The following AARS2 variants were observed in gnomAD, a reference collection of about 807,000 sequenced individuals.
AARS2 encodes the protein alanine--tRNA ligase, mitochondrial.
In AARS2, 78 loss-of-function variants were observed where a neutral mutation model predicts 119.7. That is an observed-to-expected ratio of 0.65 (90% CI 0.54 to 0.79). The LOEUF is 0.79. Ranked by LOEUF, AARS2 falls within the 30% of genes least tolerant of loss-of-function variation. The pLI is 0.00. For synonymous variants in AARS2, 502 were observed against 526.3 expected (o/e 0.95, Z 0.63); for missense variants, 1,157 against 1,291.3 (o/e 0.90, Z 1.59).
Position 44,303,157 on chromosome 6 carries a change from G to A in AARS2, c.2164C>T (p.Arg722Trp), listed in dbSNP as rs145436818. The change falls in exon 16 of 22, where the codon CGG becomes TGG. Residue 722 changes from arginine (R) to tryptophan (W), a missense_variant. Transcript: ENST00000244571. The part of the protein sequence containing the change: ...SLDEVYPDPV[R>W]VVSVGVPVAH... Reference sequence around the variant, plus strand: ...ACGGGCACCCCCACTGATACCACCCGCACAGGGTCTGGGTAAACCTGAGGT... The same window carrying A: ...ACGGGCACCCCCACTGATACCACCCACACAGGGTCTGGGTAAACCTGAGGT... The A allele has an allele frequency of 1.2e-4, 196 of 1,614,138 alleles. No homozygotes were observed. The African/African-American group carries it at 1.6e-3, about 13-fold the overall frequency.
At chr6:44,301,108 A>C (rs1785315648) in intron 21 of AARS2, 48 bp downstream of exon 21, 1 of 1,524,538 alleles carries the variant, frequency 6.6e-7, no homozygotes, top group African/African-American at 1.4e-5. Flanking sequence ...GAGCTGGACC[A>C]GGATGGGTAT....
Position 44,311,075 on chromosome 6 carries a change from TCAGTACAGGGCCCACAAGGGC to T in AARS2, c.647_667del (p.Gly216_Thr222del). On this transcript the variant is annotated inframe_deletion, in exon 4 of 22. Coordinates refer to ENST00000244571, the MANE Select transcript of AARS2 (RefSeq NM_020745.4). ...CCCACCAGCAAGGTCGTAGTGGATC[TCAGTACAGGGCCCACAAGGGC>T]CAGTATCCCCCATCTCCCAGAAGTT... 6.2e-7 allele frequency: 1 copy of T among 1,614,070 alleles called. No individual in the cohort carries two copies. The highest frequency in any genetic ancestry group is 8.5e-7 in the Non-Finnish European group (1 of 1,180,022).
Position 44,305,129 on chromosome 6 carries a change from G to A in AARS2, c.1504C>T (p.Leu502=). ...LWLDVHALGE[L]QRQGVPPTDD... is the part of the protein sequence containing the mutation. Reference sequence around the variant, plus strand: ...GTTGGGGGCACTCCTTGGCGCTGCAGCTCCCCAAGCGCATGGACATCAAGC... The same window carrying A: ...GTTGGGGGCACTCCTTGGCGCTGCAACTCCCCAAGCGCATGGACATCAAGC... Residue 502 remains leucine, a synonymous_variant, in exon 11 of 22, where the codon CTG becomes TTG. Coordinates refer to ENST00000244571, the MANE Select transcript of AARS2 (RefSeq NM_020745.4). This position sits in a 1 kb window ranked among gnomAD's most constrained non-coding sequence, Gnocchi z 4.6. 1 of 1,613,924 alleles carries A rather than the reference G, an allele frequency of 6.2e-7. No homozygotes were observed.
In AARS2 at chr6:44,307,200, C is replaced by G; in HGVS notation, c.1040+49G>C. 1 of 1,613,164 alleles carries G rather than the reference C, an allele frequency of 6.2e-7. No homozygotes were observed. The highest frequency in any genetic ancestry group is 8.5e-7 in the Non-Finnish European group (1 of 1,179,638). On this transcript the variant is annotated intron_variant, in intron 6 of 21. Coordinates refer to ENST00000244571, the MANE Select transcript of AARS2 (RefSeq NM_020745.4). This position sits in a 1 kb window ranked among gnomAD's most constrained non-coding sequence, Gnocchi z 4.4. ...CTCTCCTGTTCCCTCCCTCCTCCAC[C>G]TGAGACCCCCAGCAGCCCCTGTCCT... is the stretch of plus-strand genomic sequence containing the variant.
In AARS2 at chr6:44,304,763, G is replaced by A. The variant is rs770045063; in HGVS notation, c.1634C>T (p.Ala545Val). The A allele has an allele frequency of 1.1e-5, 18 of 1,614,084 alleles. No homozygotes were observed. Among genetic ancestry groups the A allele is most frequent in the Non-Finnish European group, 1.5e-5 (18 of 1,180,038 alleles). Residue 545 changes from alanine (A) to valine (V), a missense_variant, in exon 12 of 22, where the codon GCA becomes GTA. Coordinates refer to ENST00000244571, the MANE Select transcript of AARS2 (RefSeq NM_020745.4). ...VLQLYTEDGT[A>V]VASVGKGQRC... ...CTGGCCTTTCCCCACGGAGGCCACT[G>A]CTGTCCCGTCCTCTGTATACAGTTG...
Position 44,307,433 on chromosome 6 carries a change from C to G in AARS2, c.895-39G>C. On this transcript the variant is annotated intron_variant, in intron 5 of 21. Transcript: ENST00000244571. The surrounding 1 kb of genome is among the most constrained non-coding windows in gnomAD (Gnocchi z 4.4). Reference sequence around the variant, plus strand: ...GAGTCAGCCAGTGGCCCTGCCTGACCTGGCCCAGGTGGGTGCTCTTTATCG... The same window carrying G: ...GAGTCAGCCAGTGGCCCTGCCTGACGTGGCCCAGGTGGGTGCTCTTTATCG... The G allele has an allele frequency of 6.4e-7, 1 of 1,569,088 alleles. No homozygotes were observed. The highest frequency in any genetic ancestry group is 8.6e-7 in the Non-Finnish European group (1 of 1,160,534).
chr6:44,305,795 A>G lies in AARS2; in HGVS notation c.1301-9T>C. 1 of 1,613,986 alleles carries G rather than the reference A, an allele frequency of 6.2e-7. No homozygotes were observed. On this transcript the variant is annotated splice_polypyrimidine_tract_variant and intron_variant, in intron 9 of 21. Transcript: ENST00000244571. The surrounding 1 kb of genome is among the most constrained non-coding windows in gnomAD (Gnocchi z 4.6). The stretch of plus-strand genomic sequence containing the variant: ...GGACCAGGCCACTTCAGCTTTGAGA[A>G]AGAAAGACAAAGAATGTTGAGGAGG...
At chr6:44,304,990 T>C in intron 11 of AARS2, 64 bp downstream of exon 11, 1 of 1,613,536 alleles carries the variant, frequency 6.2e-7, no homozygotes, top group South Asian at 1.1e-5. Context: ...GCAACCATCT[T>C]GGACATTCTT....
rs1467326617 is a variant in AARS2, at chr6:44,312,257, G to A, written c.250C>T (p.Pro84Ser). Reference protein sequence around the residue: ...FVNAGMNQFKPIFLGTVDPRS... With the variant: ...FVNAGMNQFKSIFLGTVDPRS... ...GGATCCACGGTGCCCAGAAAGATTG[G>A]CTTGAACTGGAAGCACATAGAGTGG... The change falls in exon 2 of 22, where the codon CCA becomes TCA. Residue 84 changes from proline to serine, a missense_variant. Pro to Ser is a moderately conservative substitution (Grantham distance 74). Transcript: ENST00000244571. The A allele has an allele frequency of 1.2e-6, 2 of 1,613,686 alleles. No homozygotes were observed. The highest frequency in any genetic ancestry group is 1.7e-5 in the Admixed American group (1 of 59,998).
chr6:44,304,234 GCT>G lies in AARS2; in HGVS notation c.1952_1953del (p.Glu651AlafsTer9). 6.2e-7 allele frequency: 1 copy of G among 1,614,128 alleles called. No individual in the cohort carries two copies. The highest frequency in any genetic ancestry group is 2.2e-5 in the East Asian group (1 of 44,886). ...TCAGGATTGAGATGGGAGCCCTGCT[GCT>G]CTGTGCCAGGGCCCAGGGTCTGCCT... ...ALRQTLGPGTEQQGSHLNPEQ... is the reference protein window; with the variant it reads ...ALRQTLGPGTXQQGSHLNPEQ... On this transcript the variant is annotated frameshift_variant, in exon 14 of 22. Transcript: ENST00000244571. LOFTEE classifies it high-confidence loss of function.
rs754788951 is a variant in AARS2, at chr6:44,306,548, A to C, written c.1150-16T>G. On this transcript the variant is annotated splice_polypyrimidine_tract_variant and intron_variant, in intron 7 of 21. Coordinates refer to ENST00000244571, the MANE Select transcript of AARS2 (RefSeq NM_020745.4). ...AAGCATCTCCCTGGGGGAGGTGGAG[A>C]GGGCTGAGGAGGTGTGAAAGGCAAC... is the stretch of plus-strand genomic sequence containing the variant. 1 of 1,613,964 alleles carries C rather than the reference A, an allele frequency of 6.2e-7. No individual in the cohort carries two copies. The highest frequency in any genetic ancestry group is 8.5e-7 in the Non-Finnish European group (1 of 1,179,954).
chr6:44,306,493 C>T lies in AARS2; in HGVS notation c.1188+1G>A. 6.2e-7 allele frequency: 1 copy of T among 1,614,182 alleles called. No individual in the cohort carries two copies. Among genetic ancestry groups the T allele is most frequent in the South Asian group, 1.1e-5 (1 of 91,086 alleles). ...CTTTCTCTCCCACTGGAATCCAGTA[C>T]CTGGGCTGAGTTCCTTTGCAGTTCT... On this transcript the variant is annotated splice_donor_variant, in intron 8 of 21. Transcript: ENST00000244571. LOFTEE classifies it high-confidence loss of function.
chr6:44,300,458 C>T lies in AARS2; in HGVS notation c.*89G>A. ...GCTGCTTGGCCTCCAGCCTCTAGTC[C>T]TCGCTTCAGCATGTGGGAAGGTTCT... On this transcript the variant is annotated 3_prime_UTR_variant, in exon 22 of 22. Transcript: ENST00000244571. 2.5e-6 allele frequency: 4 copies of T among 1,584,216 alleles called. No individual in the cohort carries two copies. The highest frequency in any genetic ancestry group is 1.3e-5 in the African/African-American group (1 of 74,476).
In AARS2 at chr6:44,302,867, C is replaced by T. The variant is rs769739605; in HGVS notation, c.2299G>A (p.Gly767Arg). 25 of 1,614,132 alleles carry T rather than the reference C, an allele frequency of 1.5e-5. No homozygotes were observed. The highest frequency in any genetic ancestry group is 1.1e-4 in the South Asian group (10 of 91,072). The part of the protein sequence containing the change: ...TGAVGDLVII[G>R]DRQLSKGTTR... The stretch of plus-strand genomic sequence containing the variant: ...GTGCCCTTGGAAAGCTGGCGGTCCC[C>T]GATGATAACCAGGTCCCCTACAGCC... The change falls in exon 17 of 22, where the codon GGG (glycine) becomes AGG (arginine). Residue 767 changes from glycine (G) to arginine (R), a missense_variant. Transcript: ENST00000244571.
chr6:44,307,156 C>G lies in AARS2; in HGVS notation c.1040+93G>C. 1 of 1,597,540 alleles carries G rather than the reference C, an allele frequency of 6.3e-7. No individual in the cohort carries two copies. The highest frequency in any genetic ancestry group is 1.7e-5 in the Admixed American group (1 of 58,376). On this transcript the variant is annotated intron_variant, in intron 6 of 21. Transcript: ENST00000244571. The surrounding 1 kb of genome is among the most constrained non-coding windows in gnomAD (Gnocchi z 4.4). ...GCTCTCCCTCTCCCCATTCCTCCTA[C>G]TGGCTCAACCAGACCCACCTCTCCT...
At chr6:44,309,473 C>T (rs1172947591) in intron 5 of AARS2, among the ~76,000 whole-genome samples, 2 of 152,314 alleles carry the variant, frequency 1.3e-5, no homozygotes, top group East Asian at 3.9e-4. Context: ...GACACATGTT[C>T]CTACTATATC....
In AARS2 at chr6:44,313,264, G is replaced by A. The variant is rs781361302; in HGVS notation, c.60C>T (p.Pro20=). 52 of 1,597,176 alleles carry A rather than the reference G, an allele frequency of 3.3e-5. No homozygotes were observed. In the Admixed American group the frequency reaches 4.3e-4, roughly 13 times the overall value. ...GCCGATGGCTGAGGCCCCGCCATGC[G>A]GGCGACCTTCGAATGGCCCGCCGCA... ...RRLRRAIRRS[P]AWRGLSHRPL... Residue 20 remains proline, a synonymous_variant, in exon 1 of 22, where the codon CCC becomes CCT. Transcript: ENST00000244571.
In AARS2 at chr6:44,303,098, T is replaced by C. The variant is rs2153354052; in HGVS notation, c.2223A>G (p.Ala741=). 1.9e-6 allele frequency: 3 copies of C among 1,614,028 alleles called. No homozygotes were observed. Among genetic ancestry groups the C allele is most frequent in the Non-Finnish European group, 2.5e-6 (3 of 1,180,010 alleles). The change falls in exon 16 of 22, where the codon GCA becomes GCG. Residue 741 remains alanine (A), a synonymous_variant. Coordinates refer to ENST00000244571, the MANE Select transcript of AARS2 (RefSeq NM_020745.4). Reference sequence around the variant, plus strand: ...AGCATAGCTCCACAGAGGTCTGCAGTGCGGCTTGGGAGGCTGGGTCCAATG... The same window carrying C: ...AGCATAGCTCCACAGAGGTCTGCAGCGCGGCTTGGGAGGCTGGGTCCAATG... The part of the protein sequence containing the change: ...AHALDPASQA[A]LQTSVELCCG...
chr6:44,311,573 G>A (rs1477685117), intron 2 of AARS2, 38 bp from the exon 3 acceptor site: 10 of 1,574,606 alleles, frequency 6.4e-6, no homozygotes, highest in Non-Finnish European at 8.7e-6. Context: ...GGGGGAAGAC[G>A]GGTGAGAGGG....
Sources: allele counts gnomAD v4.1 joint callset (sites outside exome capture counted in the v4.1 genomes callset), GRCh38; gene constraint gnomAD v4.1.1; non-coding constraint Gnocchi (gnomAD v3.1); transcripts MANE v1.5; gene names NCBI Gene and HGNC (gene_info 2026-07-23, HGNC 2026-07-21).